The following IL2 variants were observed in gnomAD, a reference collection of about 807,000 sequenced individuals.
The protein encoded by IL2 is interleukin 2.
In IL2, 3 loss-of-function variants were observed where a neutral mutation model predicts 14.6. The ratio of observed to expected loss-of-function variants is 0.21; its 90% CI spans 0.09 to 0.53. The LOEUF (loss-of-function observed/expected upper bound fraction) is 0.53, where lower values mean the gene tolerates loss of function less well. Among genes scored for constraint, IL2 ranks in the 20% least tolerant of loss-of-function variants. The probability of loss-of-function intolerance (pLI) is 0.95; values close to 1 mark genes in which losing one functional copy is unlikely to be tolerated. For missense variants in IL2, 125 were observed against 170.8 expected, an observed-to-expected ratio of 0.73 and a Z score of 1.50; for synonymous variants, 71 against 60.0, an observed-to-expected ratio of 1.18 and a Z score of -0.85.
intron 3 of IL2, 72 bp from the exon 4 acceptor site, chr4:122,451,934 G>C: frequency 1.7e-6 from 1 of 572,728 alleles, no homozygotes; most frequent in South Asian, 4.0e-5. Context: ...CCCAATTGAA[G>C]TCTTATAGGC....
Position 122,453,764 on chromosome 4 carries a change from G to A in IL2, c.297C>T (p.His99=). The A allele has an allele frequency of 6.2e-7, 1 of 1,611,198 alleles. No individual in the cohort carries two copies. Among genetic ancestry groups the A allele is most frequent in the African/African-American group, 1.3e-5 (1 of 74,718 alleles). ...TGCTGATTAAGTCCCTGGGTCTTAA[G>A]TGAAAGTTTTTGCTTTGAGCTAAAT... ...VLNLAQSKNF[H]LRPRDLISNI... is the part of the protein sequence containing the mutation. Residue 99 remains histidine, a synonymous_variant, in exon 3 of 4, where the codon CAC becomes CAT. Transcript: ENST00000226730.
chr4:122,456,062 G>A, intron 2 of IL2, 82 bp downstream of exon 2: 4 of 966,896 alleles, frequency 4.1e-6, no homozygotes, highest in Admixed American at 1.9e-5. Flanking sequence ...CAGATGAGCT[G>A]CTATTAGTCC....
At chr4:122,455,554 TTTAC>T (rs1490072455) in intron 2 of IL2, among the ~76,000 whole-genome samples, 2 of 151,944 alleles carry the variant, frequency 1.3e-5, no homozygotes, top group Non-Finnish European at 2.9e-5. Context: ...GTGCTTTACA[TTTAC>T]TTACTAATTC....
intron 2 of IL2, among the ~76,000 whole-genome samples, chr4:122,454,582 C>T (rs1797711504): frequency 6.6e-6 from 1 of 151,760 alleles, no homozygotes; most frequent in African/African-American, 2.4e-5. Flanking sequence ...TTACTTCTCA[C>T]AGTCATCTTT....
At position 122,456,333 on chromosome 4, in the gene IL2, A is replaced by G. The variant is rs200106930; in HGVS notation, c.108T>C (p.His36=). 6 of 1,611,482 alleles carry G rather than the reference A, an allele frequency of 3.7e-6. No homozygotes were observed. The African/African-American group carries it at 8.0e-5, about 21-fold the overall frequency. Residue 36 remains histidine (H), a synonymous_variant, in exon 1 of 4, where the codon CAT becomes CAC. Transcript: ENST00000226730. Reference sequence around the variant, plus strand: ...AAATCATCTGTAAATCCAGCAGTAAATGCTCCAGTTGTAGCTGTGTTTTCT... The same window carrying G: ...AAATCATCTGTAAATCCAGCAGTAAGTGCTCCAGTTGTAGCTGTGTTTTCT... ...STKKTQLQLE[H]LLLDLQMILN... is the part of the protein sequence containing the mutation.
chr4:122,452,645 C>A (rs1489387927), intron 3 of IL2, among the ~76,000 whole-genome samples: 1 of 151,842 alleles, frequency 6.6e-6, no homozygotes, highest in Non-Finnish European at 1.5e-5. Flanking sequence ...TGATTCCTAC[C>A]CTGGGAACAA....
chr4:122,453,449 G>A (rs1234328366), intron 3 of IL2, among the ~76,000 whole-genome samples: 1 of 151,752 alleles, frequency 6.6e-6, no homozygotes, highest in Non-Finnish European at 1.5e-5. Context: ...TCCCAGTTTT[G>A]TGTTAATATG....
At chr4:122,452,950 A>AT (rs1325485541) in intron 3 of IL2, among the ~76,000 whole-genome samples, 3 of 151,888 alleles carry the variant, frequency 2.0e-5, no homozygotes, top group Non-Finnish European at 4.4e-5. Context: ...ATCTCAATGT[A>AT]TTTTTTTAAT....
rs1797728546 is a variant in IL2, at chr4:122,456,217, A to G, written c.148-14T>C. The G allele has an allele frequency of 5.6e-6, 9 of 1,605,840 alleles. No homozygotes were observed. The highest frequency in any genetic ancestry group is 5.1e-6 in the Non-Finnish European group (6 of 1,173,134). Reference sequence around the variant, plus strand: ...ATTCTTGTAATTCTAAGAAAGTATAATGCATTGTTATTAAGAAATGATCTC... The same window carrying G: ...ATTCTTGTAATTCTAAGAAAGTATAGTGCATTGTTATTAAGAAATGATCTC... On this transcript the variant is annotated splice_polypyrimidine_tract_variant and intron_variant, in intron 1 of 3. Transcript: ENST00000226730.
intron 2 of IL2, among the ~76,000 whole-genome samples, chr4:122,455,679 G>C (rs1479811012): frequency 6.6e-6 from 1 of 151,894 alleles, no homozygotes; most frequent in Non-Finnish European, 1.5e-5. Flanking sequence ...ACATGGCAGA[G>C]CTGAGATTTC....
At chr4:122,453,146 G>T (rs1182139261) in intron 3 of IL2, among the ~76,000 whole-genome samples, 1 of 151,864 alleles carries the variant, frequency 6.6e-6, no homozygotes, top group Non-Finnish European at 1.5e-5. Context: ...TGAGTCCCTT[G>T]CATATTTTAT....
At chr4:122,452,034 G>A (rs879349345) in intron 3 of IL2, among the ~76,000 whole-genome samples, 172 bp from the exon 4 acceptor site, 5 of 151,936 alleles carry the variant, frequency 3.3e-5, no homozygotes, top group Non-Finnish European at 7.4e-5. Context: ...TACATATTTT[G>A]TTATGATACC....
chr4:122,454,324 A>T (rs544155959), intron 2 of IL2, among the ~76,000 whole-genome samples: 2 of 151,876 alleles, frequency 1.3e-5, no homozygotes, highest in Non-Finnish European at 2.9e-5. Context: ...CTAGGTAACA[A>T]TAATCATGTA....
chr4:122,452,460 A>AT (rs1394337593), intron 3 of IL2, among the ~76,000 whole-genome samples: 1 of 152,016 alleles, frequency 6.6e-6, no homozygotes, highest in East Asian at 1.9e-4. Flanking sequence ...ATGCAGGTGA[A>AT]TTTGCCAACT....
chr4:122,456,481 G>A lies in IL2; in HGVS notation c.-41C>T. 6.6e-7 allele frequency: 1 copy of A among 1,504,480 alleles called. No individual in the cohort carries two copies. Among genetic ancestry groups the A allele is most frequent in the South Asian group, 1.3e-5 (1 of 79,072 alleles). The allele number at this position is 1,504,480 out of a possible 1,614,324, so 93.2% of individuals were successfully genotyped here. A position where few individuals can be genotyped will look rare whatever the true frequency, so the allele number is the denominator to read the frequency against. On this transcript the variant is annotated 5_prime_UTR_variant, in exon 1 of 4. Coordinates refer to ENST00000226730, the MANE Select transcript of IL2 (RefSeq NM_000586.4). ...GGTTACTGTGAGTAGTGATTAAAGA[G>A]AGTGATAGGGAACTCTTGAACAAGA... is the stretch of plus-strand genomic sequence containing the variant.
chr4:122,452,896 G>A lies in IL2; in HGVS notation c.351+814C>T, dbSNP rs147976209. 7.2e-5 allele frequency among the ~76,000 whole-genome samples: 11 copies of A among 151,998 alleles called. No individual in the cohort carries two copies. In the East Asian group the frequency reaches 2.1e-3, roughly 29 times the overall value. ...TTAATTATTTTAGAGTAAAACTCTT[G>A]CCATAGATAAGGAACTGAATCTGTC... On this transcript the variant is annotated intron_variant, in intron 3 of 3. Transcript: ENST00000226730.
In IL2 at chr4:122,451,845, G is replaced by A. The variant is rs1797679339; in HGVS notation, c.369C>T (p.Phe123=). ...CTGTCTCATCAGCATATTCACACAT[G>A]AATGTTGTTTCAGATCCCTATAAAA... ...VLELKGSETT[F]MCEYADETAT... is the part of the protein sequence containing the mutation. The change falls in exon 4 of 4, where the codon TTC becomes TTT. Residue 123 remains phenylalanine, a synonymous_variant. Coordinates refer to ENST00000226730, the MANE Select transcript of IL2 (RefSeq NM_000586.4). The A allele has an allele frequency of 6.3e-7, 1 of 1,577,832 alleles. No homozygotes were observed. Among genetic ancestry groups the A allele is most frequent in the Non-Finnish European group, 8.6e-7 (1 of 1,157,280 alleles).
chr4:122,456,081 C>G lies in IL2; in HGVS notation c.207+63G>C, dbSNP rs577671234. 62 of 1,283,358 alleles carry G rather than the reference C, an allele frequency of 4.8e-5. No individual in the cohort carries two copies. The African/African-American group carries it at 8.0e-4, about 16-fold the overall frequency. The allele number at this position is 1,283,358 out of a possible 1,614,324, so 79.5% of individuals were successfully genotyped here. ...TGAGCTGCTATTAGTCCCATCTGTG[C>G]AAATTTTCATATTACTTTGAATTTT... On this transcript the variant is annotated intron_variant, in intron 2 of 3. Transcript: ENST00000226730.
chr4:122,455,766 G>A (rs749526112), intron 2 of IL2, among the ~76,000 whole-genome samples: 1 of 151,802 alleles, frequency 6.6e-6, no homozygotes, highest in African/African-American at 2.4e-5. Flanking sequence ...CCTAAAACAA[G>A]AAAAGATTTT....
Sources: gnomAD v4.1 joint callset for allele counts (sites outside exome capture counted in the v4.1 genomes callset) on GRCh38, gnomAD v4.1.1 for gene constraint, MANE v1.5 for transcripts, NCBI Gene and HGNC (gene_info 2026-07-23, HGNC 2026-07-21) for gene names.